The following MTRR variants were observed in gnomAD, a reference collection of about 807,000 sequenced individuals.
MTRR encodes methionine synthase reductase.
Under a neutral mutation model 79.2 loss-of-function variants are expected in MTRR, and 63 were observed. That is an observed-to-expected ratio of 0.80 (90% CI 0.65 to 0.98). MTRR has a LOEUF of 0.98. Among genes scored for constraint, MTRR ranks in the 50% least tolerant of loss-of-function variants. The probability of loss-of-function intolerance (pLI) is 0.00; values close to 1 mark genes in which losing one functional copy is unlikely to be tolerated. For missense variants in MTRR, 895 were observed against 839.6 expected (o/e 1.07, Z -0.82); for synonymous variants, 355 against 313.3 (o/e 1.13, Z -1.41).
chr5:7,889,018 G>A (rs560539696), intron 8 of MTRR, 77 bp from the exon 9 acceptor site: 2 of 1,561,616 alleles, frequency 1.3e-6, no homozygotes, highest in African/African-American at 2.7e-5. Flanking sequence ...TGCATCCCTA[G>A]GCAGACATTT....
At chr5:7,866,693 T>C (rs757276725), upstream of MTRR, 3 of 1,602,032 alleles carry the variant, frequency 1.9e-6, no homozygotes, top group Non-Finnish European at 2.6e-6. Context: ...TGCCAGAAAG[T>C]TGACTGGATG....
chr5:7,878,626 T>C (rs1271726127), intron 5 of MTRR, among the ~76,000 whole-genome samples: 1 of 152,248 alleles, frequency 6.6e-6, no homozygotes, highest in Non-Finnish European at 1.5e-5. Flanking sequence ...TTACAAAAGG[T>C]CTTGTATTAT....
upstream of MTRR, chr5:7,866,074 C>T (rs112946822): frequency 2.2e-6 from 2 of 925,240 alleles, no homozygotes; most frequent in African/African-American, 1.6e-5. Context: ...TTTACACACT[C>T]CAGACAGAAG....
chr5:7,897,598 GT>G (rs1738753445), intron 14 of MTRR, among the ~76,000 whole-genome samples: 1 of 152,172 alleles, frequency 6.6e-6, no homozygotes, highest in Non-Finnish European at 1.5e-5. Flanking sequence ...GATTTGTGCT[GT>G]TGTGAACTAT....
intron 1 of MTRR, among the ~76,000 whole-genome samples, chr5:7,869,881 A>C (rs1310956147): frequency 6.6e-6 from 1 of 152,160 alleles, no homozygotes; most frequent in Non-Finnish European, 1.5e-5. Flanking sequence ...TAGTGTTTTC[A>C]TATTGTTTAT....
intron 6 of MTRR, 138 bp from the exon 7 acceptor site, chr5:7,885,563 T>G (rs185520526): frequency 1.2e-3 from 681 of 558,080 alleles, no homozygotes; most frequent in African/African-American, 7.1e-3. Flanking sequence ...CAATTGTGTG[T>G]TTTTTTTTTT....
At chr5:7,896,737 G>A in intron 12 of MTRR, 127 bp from the exon 13 acceptor site, 1 of 784,804 alleles carries the variant, frequency 1.3e-6, no homozygotes, top group South Asian at 1.5e-5. Context: ...TTAAATGACT[G>A]AATGTTCAAA....
chr5:7,852,359 T>A (rs956478014), intron 1 of MTRR, among the ~76,000 whole-genome samples: 1 of 152,168 alleles, frequency 6.6e-6, no homozygotes, highest in East Asian at 1.9e-4. Flanking sequence ...GACATCCCGG[T>A]GCCACCACGC....
chr5:7,866,012 T>TA (rs755003199), upstream of MTRR: 3 of 1,542,200 alleles, frequency 1.9e-6, no homozygotes, highest in South Asian at 3.4e-5. Flanking sequence ...CAGTCATAGT[T>TA]ACGTCTGAAT....
At chr5:7,880,290 T>G (rs887465217) in intron 5 of MTRR, among the ~76,000 whole-genome samples, 4 of 152,344 alleles carry the variant, frequency 2.6e-5, no homozygotes, top group Admixed American at 2.6e-4. Flanking sequence ...GCAGGACTTA[T>G]GATAGCCCTG....
intron 2 of MTRR, 85 bp downstream of exon 2, chr5:7,871,008 T>A: frequency 1.4e-6 from 2 of 1,438,586 alleles, no homozygotes; most frequent in African/African-American, 1.4e-5. Context: ...AAAAGGACAC[T>A]AATACCACCA....
chr5:7,884,518 GT>G (rs1232366403), intron 6 of MTRR, among the ~76,000 whole-genome samples: 4 of 151,872 alleles, frequency 2.6e-5, no homozygotes, highest in African/African-American at 7.3e-5. Context: ...ATTTTTTATT[GT>G]TTTTTTCCGT....
chr5:7,867,233 G>A (rs771944109), upstream of MTRR: 5 of 1,614,026 alleles, frequency 3.1e-6, no homozygotes, highest in Non-Finnish European at 4.2e-6. Context: ...TATTGATAGG[G>A]AAAAGTTGTT....
At chr5:7,879,910 G>A (rs2126707207) in intron 5 of MTRR, among the ~76,000 whole-genome samples, 1 of 152,336 alleles carries the variant, frequency 6.6e-6, no homozygotes, top group East Asian at 1.9e-4. Flanking sequence ...CCCACGCAAA[G>A]CTGGTGGCCT....
intron 1 of MTRR, chr5:7,856,813 A>G (rs1206227262): frequency 1.3e-5 from 2 of 149,998 alleles, no homozygotes; most frequent in African/African-American, 4.9e-5. Flanking sequence ...CCGTTTTCCC[A>G]GAATTCTATC....
At chr5:7,894,902 A>G (rs1738246597) in intron 11 of MTRR, among the ~76,000 whole-genome samples, 1 of 152,256 alleles carries the variant, frequency 6.6e-6, no homozygotes, top group Admixed American at 6.5e-5. Context: ...TGAAGCAAAG[A>G]AGGCTAATGT....
Position 7,881,000 on chromosome 5 carries a change from G to C in MTRR, c.781-2155G>C, listed in dbSNP as rs1475104408. On this transcript the variant is annotated intron_variant, in intron 5 of 14. Transcript: ENST00000440940. ...AGTACAGTTTCTATAGTGTCTCACA[G>C]TCCCTCCTCCTAGGGACCTCTTCTC... is the stretch of plus-strand genomic sequence containing the variant. 4.6e-5 allele frequency among the ~76,000 whole-genome samples: 7 copies of C among 152,302 alleles called. No individual in the cohort carries two copies. The South Asian group carries it at 1.4e-3, about 32-fold the overall frequency.
chr5:7,881,657 G>A (rs933460407), intron 5 of MTRR, among the ~76,000 whole-genome samples: 2 of 152,134 alleles, frequency 1.3e-5, no homozygotes, highest in African/African-American at 4.8e-5. Context: ...TGCATGAGAT[G>A]ACTGTGTCTT....
chr5:7,861,825 G>A, intron 1 of MTRR: 1 of 1,302,004 alleles, frequency 7.7e-7, no homozygotes, highest in Non-Finnish European at 9.9e-7. Context: ...AATTCAATTG[G>A]CTTTATGATC....
Sources: allele counts gnomAD v4.1 joint callset (sites outside exome capture counted in the v4.1 genomes callset), GRCh38; gene constraint gnomAD v4.1.1; transcripts MANE v1.5; gene names NCBI Gene and HGNC (gene_info 2026-07-23, HGNC 2026-07-21).